The following ANXA8 variants were observed in gnomAD, a reference collection of about 807,000 sequenced individuals.
ANXA8 encodes VAC-beta.
ANXA8 carries 9 observed loss-of-function variants against 26.8 expected under a neutral mutation model. The observed-to-expected ratio is 0.34, with a 90% CI of 0.20 to 0.59. The LOEUF (loss-of-function observed/expected upper bound fraction) is 0.59. Ranked by LOEUF, ANXA8 falls within the 20% of genes least tolerant of loss-of-function variation. ANXA8 has a pLI of 0.84. For missense variants in ANXA8, 83 were observed against 238.5 expected (o/e 0.35, Z 4.29); for synonymous variants, 39 against 94.8 (o/e 0.41, Z 3.42).
chr10:47,743,405 T>TGA, the ANXA8 span, among the ~76,000 whole-genome samples: 1,173 of 83,446 alleles, frequency 0.014, 39 homozygotes, highest in East Asian at 0.03. Context: ...TGTGTGTGTG[T>TGA]GAGAGAGAGA....
chr10:47,718,086 C>T, the ANXA8 span, among the ~76,000 whole-genome samples: 9 of 151,924 alleles, frequency 5.9e-5, no homozygotes, highest in Admixed American at 1.3e-4. Context: ...CTGCCTACTA[C>T]AGGAGACTAC....
At chr10:47,948,012 A>T in the ANXA8 span, among the ~76,000 whole-genome samples, 7 of 151,026 alleles carry the variant, frequency 4.6e-5, no homozygotes, top group East Asian at 1.4e-3. Flanking sequence ...TGGTGCGTTC[A>T]GTTGAGATCC....
At chr10:47,981,064 G>A in the ANXA8 span, among the ~76,000 whole-genome samples, 3 of 151,426 alleles carry the variant, frequency 2.0e-5, no homozygotes, top group Non-Finnish European at 4.4e-5. Context: ...CAAAATACTA[G>A]CACACTAAAC....
the ANXA8 span, among the ~76,000 whole-genome samples, chr10:47,560,936 G>A: frequency 4.6e-5 from 7 of 151,406 alleles, no homozygotes; most frequent in Non-Finnish European, 7.4e-5. Flanking sequence ...CCAGCCTCCT[G>A]AGCATCTGGG....
chr10:47,484,418 C>T, upstream of ANXA8: 1 of 1,106,970 alleles, frequency 9.0e-7, no homozygotes, highest in Admixed American at 2.2e-5. Flanking sequence ...TGGAGTATGC[C>T]ATTTAATCAA....
chr10:47,554,285 A>G, the ANXA8 span, among the ~76,000 whole-genome samples: 2 of 134,818 alleles, frequency 1.5e-5, no homozygotes, highest in African/African-American at 2.9e-5. Flanking sequence ...GAGCCACTGC[A>G]CTCCAGCCTG....
the ANXA8 span, among the ~76,000 whole-genome samples, chr10:47,648,293 C>G: frequency 1.3e-5 from 2 of 151,584 alleles, no homozygotes; most frequent in Non-Finnish European, 2.9e-5. Flanking sequence ...GCTTGCTGAT[C>G]CCCATCACGG....
At chr10:47,595,215 G>A in the ANXA8 span, among the ~76,000 whole-genome samples, 61 of 148,488 alleles carry the variant, frequency 4.1e-4, 5 homozygotes, top group Middle Eastern at 3.4e-3. Flanking sequence ...TCAAGCAATC[G>A]GTAAGGGAAT....
chr10:47,498,450 TATAAATATC>T, the ANXA8 span, among the ~76,000 whole-genome samples: 1 of 142,604 alleles, frequency 7.0e-6, no homozygotes, highest in African/African-American at 2.6e-5. Context: ...ATACCACTGC[TATAAATATC>T]AGTGTACACA....
the ANXA8 span, among the ~76,000 whole-genome samples, chr10:47,503,925 A>G: frequency 8.1e-4 from 53 of 65,184 alleles, no homozygotes; most frequent in African/African-American, 3.9e-3. Flanking sequence ...GGGCTACAGA[A>G]AGAGAGTCCA....
chr10:47,543,771 A>G, the ANXA8 span: 1 of 217,182 alleles, frequency 4.6e-6, no homozygotes, highest in African/African-American at 2.5e-5. Flanking sequence ...CACATCACTT[A>G]GGAACTAGAA....
chr10:47,546,112 A>G, the ANXA8 span, among the ~76,000 whole-genome samples: 1 of 129,246 alleles, frequency 7.7e-6, no homozygotes, highest in Non-Finnish European at 1.6e-5. Flanking sequence ...TTTAAGCCAA[A>G]TAACAGGTCT....
upstream of ANXA8, among the ~76,000 whole-genome samples, chr10:47,486,401 T>G (rs1263731397): frequency 0.016 from 1,992 of 121,344 alleles, 109 homozygotes; most frequent in East Asian, 0.093. Context: ...TAGTTTCTGG[T>G]GAAACAGTTT....
At chr10:47,683,124 T>C in the ANXA8 span, among the ~76,000 whole-genome samples, 3 of 152,016 alleles carry the variant, frequency 2.0e-5, no homozygotes, top group Non-Finnish European at 1.5e-5. Context: ...TGCTTTTGTT[T>C]CTGAGGAAAA....
At chr10:47,760,261 C>T in the ANXA8 span, among the ~76,000 whole-genome samples, 3 of 59,438 alleles carry the variant, frequency 5.0e-5, no homozygotes, top group African/African-American at 1.9e-4. Flanking sequence ...CCTTCCATGG[C>T]GTCTAGGGAA....
At chr10:47,586,975 G>A in the ANXA8 span, among the ~76,000 whole-genome samples, 1 of 146,014 alleles carries the variant, frequency 6.8e-6, no homozygotes, top group Non-Finnish European at 1.5e-5. Flanking sequence ...GGGAGGCCGA[G>A]GCTGGCAGAA....
At chr10:47,659,503 C>A in the ANXA8 span, among the ~76,000 whole-genome samples, 1 of 151,204 alleles carries the variant, frequency 6.6e-6, no homozygotes, top group African/African-American at 2.5e-5. Context: ...ATGGAGAAAC[C>A]CTGTCTCTAC....
chr10:47,498,455 A>G, the ANXA8 span, among the ~76,000 whole-genome samples: 1 of 142,486 alleles, frequency 7.0e-6, no homozygotes, highest in Non-Finnish European at 1.5e-5. Context: ...ACTGCTATAA[A>G]TATCAGTGTA....
At chr10:47,929,555 C>A in the ANXA8 span, among the ~76,000 whole-genome samples, 6 of 114,222 alleles carry the variant, frequency 5.3e-5, no homozygotes, top group Non-Finnish European at 1.1e-4. Flanking sequence ...TCCAGGCATG[C>A]TTTGTGTTTC....
Sources: allele counts gnomAD v4.1 joint callset (sites outside exome capture counted in the v4.1 genomes callset), GRCh38; gene constraint gnomAD v4.1.1; transcripts MANE v1.5; gene names NCBI Gene and HGNC (gene_info 2026-07-23, HGNC 2026-07-21).